The following POLDIP2 variants were observed in gnomAD, a reference collection of about 807,000 sequenced individuals.
The protein encoded by POLDIP2 is DNA polymerase delta interacting protein 2.
In POLDIP2, 32 loss-of-function variants were observed where a neutral mutation model predicts 52.9. The ratio of observed to expected loss-of-function variants is 0.61; its 90% CI spans 0.46 to 0.81. The LOEUF is 0.81. POLDIP2 is among the 40% of genes least tolerant of loss of function. The pLI, the probability that POLDIP2 is intolerant of heterozygous loss-of-function variation, is 0.00. For missense variants in POLDIP2, 371 were observed against 477.3 expected, an observed-to-expected ratio of 0.78 and a Z score of 2.07; for synonymous variants, 183 against 183.0, an observed-to-expected ratio of 1.00 and a Z score of 0.00.
rs1908108943 is a variant in POLDIP2 at position 28,357,445 on chromosome 17, C to T, written c.4G>A (p.Ala2Thr). M[A>T]ACTARRALAV... is the part of the protein sequence containing the mutation. ...AGGGCCCGCCGGGCTGTACAGGCTG[C>T]CATGTCCCGCCCGAGCGCCCGCCCG... Residue 2 changes from alanine (A) to threonine (T), a missense_variant, in exon 1 of 11, where the codon GCA becomes ACA. Transcript: ENST00000540200. The T allele has an allele frequency of 6.9e-7, 1 of 1,445,720 alleles. No individual in the cohort carries two copies. Among genetic ancestry groups the T allele is most frequent in the Non-Finnish European group, 9.0e-7 (1 of 1,113,988 alleles). 89.6% of individuals were successfully genotyped at this position (1,445,720 alleles called of 1,614,324 possible).
At chr17:28,349,420 C>T (rs1263008946) in intron 9 of POLDIP2, among the ~76,000 whole-genome samples, 1 of 147,522 alleles carries the variant, frequency 6.8e-6, no homozygotes, top group Non-Finnish European at 1.5e-5. Flanking sequence ...CAAAGGACCT[C>T]CTCTGCAGCC....
At position 28,354,541 on chromosome 17, in the gene POLDIP2, A is replaced by G. The variant is rs2142399131; in HGVS notation, c.288T>C (p.Phe96=). Residue 96 remains phenylalanine (F), a synonymous_variant, in exon 3 of 11, where the codon TTT becomes TTC. Coordinates refer to ENST00000540200, the MANE Select transcript of POLDIP2 (RefSeq NM_015584.5). ...SIFGYRGVVL[F]PWQARLYDRD... Reference sequence around the variant, plus strand: ...GGTCATACAGTCTGGCCTGCCAGGGAAACAGGACGACACCTCGGTAGCCAA... The same window carrying G: ...GGTCATACAGTCTGGCCTGCCAGGGGAACAGGACGACACCTCGGTAGCCAA... The G allele has an allele frequency of 3.8e-6, 6 of 1,563,076 alleles. No homozygotes were observed. The highest frequency in any genetic ancestry group is 4.8e-5 in the East Asian group (2 of 41,780).
At chr17:28,348,689 G>GTGA (rs1555579371) in intron 10 of POLDIP2, among the ~76,000 whole-genome samples, 1 of 152,208 alleles carries the variant, frequency 6.6e-6, no homozygotes, top group African/African-American at 2.4e-5. Context: ...TCCAGCCTGG[G>GTGA]CAATAAGTGA....
Position 28,353,308 on chromosome 17 carries a change from T to A in POLDIP2, c.447A>T (p.Arg149Ser), listed in dbSNP as rs782513875. 4 of 1,575,634 alleles carry A rather than the reference T, an allele frequency of 2.5e-6. No individual in the cohort carries two copies. The South Asian group carries it at 4.5e-5, about 18-fold the overall frequency. Residue 149 changes from arginine (R) to serine (S), a missense_variant, in exon 5 of 11, where the codon AGA becomes AGT. Physicochemically the swap from Arg to Ser is moderately radical, Grantham distance 110. Coordinates refer to ENST00000540200, the MANE Select transcript of POLDIP2 (RefSeq NM_015584.5). Reference protein sequence around the residue: ...DARDCPHISQRSQTEAVTFLA... With the variant: ...DARDCPHISQSSQTEAVTFLA... ...AGAAGGTCACAGCTTCTGTCTGAGA[T>A]CTCTGAGACTAAGGCAAGAAGTGAA...
intron 7 of POLDIP2, among the ~76,000 whole-genome samples, 164 bp downstream of exon 7, chr17:28,351,500 C>T (rs1184833106): frequency 1.3e-5 from 2 of 152,176 alleles, no homozygotes; most frequent in African/African-American, 4.8e-5. Flanking sequence ...GTGTCAGCCA[C>T]TGTCTAGAGG....
At chr17:28,355,158 C>T (rs1049622482) in intron 2 of POLDIP2, among the ~76,000 whole-genome samples, 13 of 152,224 alleles carry the variant, frequency 8.5e-5, no homozygotes, top group African/African-American at 2.4e-4. Context: ...GCTCCCTCCA[C>T]GGCTTCCCAC....
intron 4 of POLDIP2, among the ~76,000 whole-genome samples, 175 bp downstream of exon 4, chr17:28,353,520 C>CAAAAAAAAAAAAAACAAAAAAAAAAAA (rs1907897701): frequency 1.8e-5 from 1 of 54,814 alleles, no homozygotes; most frequent in Non-Finnish European, 3.0e-5. Context: ...GACTCCATAT[C>CAAAAAAAAAAAAAACAAAAAAAAAAAA]AAAAAAAAAA....
intron 5 of POLDIP2, 100 bp from the exon 6 acceptor site, chr17:28,353,119 C>T: frequency 2.7e-6 from 2 of 750,680 alleles, no homozygotes; most frequent in East Asian, 2.6e-5. Flanking sequence ...TATGGGATAA[C>T]CCTGATATCA....
rs1555581211 is a variant in POLDIP2 at position 28,357,417 on chromosome 17, G to A, written c.32C>T (p.Ala11Val). Residue 11 changes from alanine to valine, a missense_variant, in exon 1 of 11, where the codon GCC becomes GTC. Coordinates refer to ENST00000540200, the MANE Select transcript of POLDIP2 (RefSeq NM_015584.5). The stretch of plus-strand genomic sequence containing the variant: ...CCGGGACCACCAGCGGCTGCCCACG[G>A]CCAGGGCCCGCCGGGCTGTACAGGC... MAACTARRALAVGSRWWSRSL... is the reference protein window; with the variant it reads MAACTARRALVVGSRWWSRSL... 4.7e-6 allele frequency: 7 copies of A among 1,501,032 alleles called. No individual in the cohort carries two copies. The highest frequency in any genetic ancestry group is 1.3e-5 in the South Asian group (1 of 79,960). The allele number at this position is 1,501,032 out of a possible 1,614,324, so 93.0% of individuals were successfully genotyped here. A position where few individuals can be genotyped will look rare whatever the true frequency, so the allele number is the denominator to read the frequency against.
At position 28,351,685 on chromosome 17, in the gene POLDIP2, G is replaced by A. The variant is rs1555579990; in HGVS notation, c.738C>T (p.Ile246=). ...ATACCCTCATGCCCATGTAGAAGGG[G>A]ATGACAGTGACACGTATGTTCTCAG... ...ETTENIRVTV[I]PFYMGMREAQ... is the part of the protein sequence containing the mutation. The change falls in exon 7 of 11, where the codon ATC becomes ATT. Residue 246 remains isoleucine, a synonymous_variant. Transcript: ENST00000540200. 1 of 1,613,714 alleles carries A rather than the reference G, an allele frequency of 6.2e-7. No homozygotes were observed. Among genetic ancestry groups the A allele is most frequent in the Non-Finnish European group, 8.5e-7 (1 of 1,179,766 alleles).
At chr17:28,350,028 G>A (rs1470838663) in intron 9 of POLDIP2, among the ~76,000 whole-genome samples, 2 of 152,190 alleles carry the variant, frequency 1.3e-5, no homozygotes, top group East Asian at 3.9e-4. Flanking sequence ...TCAAGGACCA[G>A]CAGAGGATGT....
intron 7 of POLDIP2, 99 bp downstream of exon 7, chr17:28,351,565 T>C (rs1907796004): frequency 1.8e-6 from 2 of 1,127,630 alleles, no homozygotes; most frequent in Admixed American, 2.1e-5. Context: ...CACAGGGACA[T>C]GGTTTATATT....
intron 6 of POLDIP2, 78 bp downstream of exon 6, chr17:28,352,834 C>T (rs559557549): frequency 6.0e-4 from 532 of 885,828 alleles, no homozygotes; most frequent in Non-Finnish European, 8.7e-4. Context: ...CCACCGTGCC[C>T]GGCCCTGGAA....
In POLDIP2 at chr17:28,353,036, A is replaced by G; in HGVS notation, c.515-17T>C. Reference sequence around the variant, plus strand: ...AGTCCAAGCCTGGCACAGAGATGCAAAAGACAGTGGTGAAACTCACAGGAG... The same window carrying G: ...AGTCCAAGCCTGGCACAGAGATGCAGAAGACAGTGGTGAAACTCACAGGAG... On this transcript the variant is annotated splice_polypyrimidine_tract_variant and intron_variant, in intron 5 of 10. Transcript: ENST00000540200. The G allele has an allele frequency of 1.1e-6, 1 of 892,634 alleles. No homozygotes were observed. The highest frequency in any genetic ancestry group is 1.9e-6 in the Non-Finnish European group (1 of 521,620). 55.3% of individuals were successfully genotyped at this position (892,634 alleles called of 1,614,324 possible).
At chr17:28,356,976 G>C (rs1424801452) in intron 1 of POLDIP2, among the ~76,000 whole-genome samples, 1 of 152,236 alleles carries the variant, frequency 6.6e-6, no homozygotes, top group Non-Finnish European at 1.5e-5. Flanking sequence ...CAATGCCCTA[G>C]GGCTGAATTA....
chr17:28,348,102 G>A lies in POLDIP2; in HGVS notation c.*15C>T, dbSNP rs1555579302. ...TCCCGGTGACCAAGCCTGGGCACTT[G>A]GGGCCTCAGCTGGCCTACCAGTGAA... On this transcript the variant is annotated 3_prime_UTR_variant, in exon 11 of 11. Transcript: ENST00000540200. 1 of 1,501,576 alleles carries A rather than the reference G, an allele frequency of 6.7e-7. No homozygotes were observed. The highest frequency in any genetic ancestry group is 9.3e-7 in the Non-Finnish European group (1 of 1,077,372). The allele number at this position is 1,501,576 out of a possible 1,614,324, so 93.0% of individuals were successfully genotyped here.
intron 1 of POLDIP2, 40 bp from the exon 2 acceptor site, chr17:28,355,916 G>A (rs1309700903): frequency 6.7e-7 from 1 of 1,483,452 alleles, no homozygotes; most frequent in African/African-American, 1.4e-5. Flanking sequence ...GAAAAGCTGA[G>A]AAGGTAATGG....
intron 9 of POLDIP2, among the ~76,000 whole-genome samples, chr17:28,349,968 T>C (rs1263370163): frequency 6.6e-6 from 1 of 152,198 alleles, no homozygotes; most frequent in Non-Finnish European, 1.5e-5. Flanking sequence ...TGTGACTTTA[T>C]TTCTCAGGAG....
At chr17:28,349,283 C>G in intron 9 of POLDIP2, 121 bp from the exon 10 acceptor site, 1 of 648,548 alleles carries the variant, frequency 1.5e-6, no homozygotes, top group Non-Finnish European at 2.8e-6. Context: ...GCCACCACCA[C>G]AGCAGGCACT....
Sources: gnomAD v4.1 joint callset for allele counts (sites outside exome capture counted in the v4.1 genomes callset) on GRCh38, gnomAD v4.1.1 for gene constraint, MANE v1.5 for transcripts, NCBI Gene and HGNC (gene_info 2026-07-23, HGNC 2026-07-21) for gene names.